Variants in FREM1 observed in about 807,000 individuals in gnomAD.
FREM1 encodes the protein FRAS1-related extracellular matrix protein 1.
Under a neutral mutation model 210.1 loss-of-function variants are expected in FREM1, and 220 were observed. The ratio of observed to expected loss-of-function variants is 1.05; its 90% CI spans 0.94 to 1.17. FREM1 has a LOEUF of 1.17. Ranked by LOEUF, FREM1 falls within the 50% of genes most tolerant of loss-of-function variation. The pLI, the probability that FREM1 is intolerant of heterozygous loss-of-function variation, is 0.00. For synonymous variants in FREM1, 1,189 were observed against 980.2 expected, an observed-to-expected ratio of 1.21 and a Z score of -3.98; for missense variants, 3,454 against 2,675.5, an observed-to-expected ratio of 1.29 and a Z score of -6.42.
chr9:14,871,895 T>C (rs1832748708), intron 1 of FREM1, among the ~76,000 whole-genome samples: 1 of 152,238 alleles, frequency 6.6e-6, no homozygotes, highest in African/African-American at 2.4e-5. Flanking sequence ...TAGCCAGTTT[T>C]CTCAGCACCA....
chr9:14,787,590 C>T (rs1473435842), intron 23 of FREM1, among the ~76,000 whole-genome samples: 1 of 152,164 alleles, frequency 6.6e-6, no homozygotes, highest in Non-Finnish European at 1.5e-5. Context: ...TAGTGCATGA[C>T]ATCCCCTAAT....
At chr9:14,741,280 T>C (rs541470407) in intron 35 of FREM1, among the ~76,000 whole-genome samples, 1 of 152,352 alleles carries the variant, frequency 6.6e-6, no homozygotes, top group Non-Finnish European at 1.5e-5. Flanking sequence ...CTATGTCTTT[T>C]CAAAATTCAG....
intron 13 of FREM1, among the ~76,000 whole-genome samples, chr9:14,821,687 T>C (rs991571223): frequency 2.0e-5 from 3 of 152,188 alleles, no homozygotes; most frequent in Non-Finnish European, 2.9e-5. Flanking sequence ...AGATGGCAAG[T>C]CCACAGGTGT....
intron 1 of FREM1, among the ~76,000 whole-genome samples, chr9:14,903,497 T>C (rs900834905): frequency 3.3e-5 from 5 of 152,160 alleles, no homozygotes; most frequent in African/African-American, 7.2e-5. Context: ...TCCATCCTTA[T>C]TGAGATCCTT....
intron 28 of FREM1, among the ~76,000 whole-genome samples, chr9:14,759,257 C>A (rs747223358): frequency 6.6e-6 from 1 of 152,070 alleles, no homozygotes; most frequent in Non-Finnish European, 1.5e-5. Flanking sequence ...CGCTTGTAAT[C>A]CCAGCACTTT....
chr9:14,759,511 A>T (rs1416490153), intron 28 of FREM1, among the ~76,000 whole-genome samples: 1 of 145,938 alleles, frequency 6.9e-6, no homozygotes, highest in East Asian at 2.0e-4. Flanking sequence ...ACTTTGTCTC[A>T]AAATAACAAT....
intron 36 of FREM1, among the ~76,000 whole-genome samples, chr9:14,739,379 C>A (rs975092831): frequency 6.6e-6 from 1 of 150,676 alleles, no homozygotes. Flanking sequence ...CCTAGGATTA[C>A]AGGCGTGAGC....
intron 22 of FREM1, 140 bp from the exon 23 acceptor site, chr9:14,789,254 T>C (rs1850899916): frequency 1.8e-6 from 1 of 549,874 alleles, no homozygotes; most frequent in East Asian, 3.0e-5. Context: ...TTTTGCCACT[T>C]TACCTGATTT....
In FREM1 at chr9:14,746,903, C is replaced by T. The variant is rs1425912771; in HGVS notation, c.6138+20G>A. ...GCACATTGCGAATAAAGGTGCTTGG[C>T]TGCTCAGCCTGCCTCCTACCTTGGT... On this transcript the variant is annotated intron_variant, in intron 34 of 36. Transcript: ENST00000380880. 1 of 1,609,892 alleles carries T rather than the reference C, an allele frequency of 6.2e-7. No homozygotes were observed. Among genetic ancestry groups the T allele is most frequent in the Non-Finnish European group, 8.5e-7 (1 of 1,178,826 alleles).
intron 1 of FREM1, among the ~76,000 whole-genome samples, chr9:14,875,186 C>G (rs1165005365): frequency 6.6e-6 from 1 of 152,128 alleles, no homozygotes; most frequent in East Asian, 1.9e-4. Context: ...GTGGTGTTCT[C>G]TTTATTTCCT....
At chr9:14,880,358 C>T (rs1264230585) in intron 1 of FREM1, among the ~76,000 whole-genome samples, 2 of 152,132 alleles carry the variant, frequency 1.3e-5, no homozygotes, top group Non-Finnish European at 2.9e-5. Context: ...AATCCCAGCA[C>T]TTTGGGAAGC....
intron 1 of FREM1, among the ~76,000 whole-genome samples, chr9:14,888,117 G>T (rs1186467641): frequency 6.6e-6 from 1 of 152,042 alleles, no homozygotes; most frequent in Non-Finnish European, 1.5e-5. Flanking sequence ...ATTTATACGT[G>T]TTTACTATAT....
At chr9:14,860,810 T>C (rs1380371189) in intron 3 of FREM1, among the ~76,000 whole-genome samples, 3 of 119,102 alleles carry the variant, frequency 2.5e-5, no homozygotes, top group Non-Finnish European at 5.0e-5. Flanking sequence ...CATATATACA[T>C]ATATACACAT....
intron 8 of FREM1, 138 bp from the exon 9 acceptor site, chr9:14,842,798 T>C (rs974493911): frequency 3.2e-6 from 2 of 625,044 alleles, no homozygotes; most frequent in Non-Finnish European, 5.6e-6. Flanking sequence ...AACTACAGAT[T>C]GTTAGTGGGT....
At chr9:14,797,030 C>A (rs1434290529) in intron 21 of FREM1, among the ~76,000 whole-genome samples, 1 of 152,070 alleles carries the variant, frequency 6.6e-6, no homozygotes, top group Non-Finnish European at 1.5e-5. Flanking sequence ...CAAAAAAGTA[C>A]CAAGATAATG....
chr9:14,826,153 T>C (rs1822417267), intron 10 of FREM1, among the ~76,000 whole-genome samples: 2 of 145,968 alleles, frequency 1.4e-5, no homozygotes, highest in African/African-American at 2.5e-5. Context: ...AGTGCAGTGG[T>C]GCGATCTCAG....
At chr9:14,844,536 A>G (rs951678202) in intron 8 of FREM1, among the ~76,000 whole-genome samples, 4 of 152,106 alleles carry the variant, frequency 2.6e-5, no homozygotes, top group Non-Finnish European at 2.9e-5. Flanking sequence ...GAGACTTACA[A>G]TTCTTAATGG....
intron 12 of FREM1, among the ~76,000 whole-genome samples, 189 bp from the exon 13 acceptor site, chr9:14,823,516 A>G (rs986752726): frequency 2.6e-5 from 4 of 152,194 alleles, no homozygotes; most frequent in Non-Finnish European, 4.4e-5. Context: ...GCATCAAACT[A>G]ATAGAAGCAA....
chr9:14,826,845 G>A (rs777814671), intron 10 of FREM1, among the ~76,000 whole-genome samples: 3 of 152,154 alleles, frequency 2.0e-5, no homozygotes, highest in Non-Finnish European at 4.4e-5. Context: ...CAGCAACGAG[G>A]CACCATCTTG....
Sources: allele counts gnomAD v4.1 joint callset (sites outside exome capture counted in the v4.1 genomes callset), GRCh38; gene constraint gnomAD v4.1.1; transcripts MANE v1.5; gene names NCBI Gene and HGNC (gene_info 2026-07-23, HGNC 2026-07-21).